TENM4: variants seen among roughly 807,000 people sequenced by gnomAD.
The protein encoded by TENM4 is teneurin-4.
TENM4 carries 82 observed loss-of-function variants against 243.3 expected under a neutral mutation model. The ratio of observed to expected loss-of-function variants is 0.34; its 90% CI spans 0.28 to 0.40. TENM4 has a LOEUF of 0.40. Ranked by LOEUF, TENM4 falls within the 10% of genes least tolerant of loss-of-function variation. The pLI is 1.00. For missense variants in TENM4, 3,138 were observed against 3,673.3 expected, an observed-to-expected ratio of 0.85 and a Z score of 3.77; for synonymous variants, 1,412 against 1,456.3, an observed-to-expected ratio of 0.97 and a Z score of 0.69.
intron 4 of TENM4, among the ~76,000 whole-genome samples, chr11:79,139,065 TTCTATAAATATATATTATATTTCTATAAA>T: frequency 5.6e-5 from 1 of 17,994 alleles, no homozygotes; most frequent in Non-Finnish European, 9.3e-5. Context: ...TATATTATAT[TTCTATAAATATATATTATATTTCTATAAA>T]TATATAAAAT....
rs188404828 is a variant in TENM4, at chr11:79,310,826, G to A, written c.-320-13283C>T. Among the ~76,000 whole-genome samples, 4 of 152,340 alleles carry A rather than the reference G, an allele frequency of 2.6e-5. No individual in the cohort carries two copies. The East Asian group carries it at 7.7e-4, about 29-fold the overall frequency. ...GGGATGATTATGGGGGATGGCTGAT[G>A]CTTTCTAGGAAAAGAAATAAAATGC... On this transcript the variant is annotated intron_variant, in intron 1 of 33. Coordinates refer to ENST00000278550, the MANE Select transcript of TENM4 (RefSeq NM_001098816.3).
intron 18 of TENM4, among the ~76,000 whole-genome samples, chr11:78,765,884 T>C (rs1856530472): frequency 6.6e-6 from 1 of 152,182 alleles, no homozygotes; most frequent in Non-Finnish European, 1.5e-5. Flanking sequence ...AAAGAGCGTG[T>C]AACAGTTTGG....
At chr11:78,745,638 A>G (rs1856033445) in intron 19 of TENM4, among the ~76,000 whole-genome samples, 1 of 152,230 alleles carries the variant, frequency 6.6e-6, no homozygotes, top group South Asian at 2.1e-4. Context: ...AATCGGTGAG[A>G]ATCCAACATT....
At chr11:79,327,377 G>C (rs902821600) in intron 1 of TENM4, among the ~76,000 whole-genome samples, 6 of 152,170 alleles carry the variant, frequency 3.9e-5, no homozygotes, top group Non-Finnish European at 7.3e-5. Flanking sequence ...TGAAGGTTTA[G>C]GGCCAATAGC....
rs1857895051 is a variant in TENM4, at chr11:78,656,406, G to A, written c.*1652C>T. 1 of 152,238 alleles carries A rather than the reference G, an allele frequency of 6.6e-6. No homozygotes were observed. Among genetic ancestry groups the A allele is most frequent in the African/African-American group, 2.4e-5 (1 of 41,458 alleles). The allele number at this position is 152,238 out of a possible 1,614,324, so 9.4% of individuals were successfully genotyped here. A position where few individuals can be genotyped will look rare whatever the true frequency, so the allele number is the denominator to read the frequency against. On this transcript the variant is annotated 3_prime_UTR_variant, in exon 34 of 34. Transcript: ENST00000278550. ...TCCCATCTCCCAGAGCCTCCTGTGAGTGGTAATGACAATGGTAATTAGGCG... is the reference window on the plus strand; with the variant it reads ...TCCCATCTCCCAGAGCCTCCTGTGAATGGTAATGACAATGGTAATTAGGCG...
intron 6 of TENM4, among the ~76,000 whole-genome samples, chr11:78,982,442 T>C (rs1366611370): frequency 3.3e-5 from 5 of 152,074 alleles, no homozygotes; most frequent in Non-Finnish European, 4.4e-5. Context: ...CTGTTTCCTG[T>C]CTGCTTAAGT....
intron 32 of TENM4, among the ~76,000 whole-genome samples, chr11:78,662,194 CTTTT>C (rs758052978): frequency 7.1e-6 from 1 of 140,848 alleles, no homozygotes; most frequent in Non-Finnish European, 1.6e-5. Context: ...CATTTTCTTT[CTTTT>C]TTTTTTTTTT....
chr11:79,301,481 G>A (rs1334289602), intron 1 of TENM4, among the ~76,000 whole-genome samples: 1 of 152,140 alleles, frequency 6.6e-6, no homozygotes, highest in Admixed American at 6.5e-5. Flanking sequence ...CCTCTGAGAA[G>A]CCCTGAACCC....
intron 3 of TENM4, among the ~76,000 whole-genome samples, chr11:79,196,671 CA>C (rs1012404746): frequency 9.2e-5 from 14 of 152,104 alleles, no homozygotes; most frequent in African/African-American, 3.4e-4. Context: ...AGGACATTTC[CA>C]GGGGGTGCAT....
chr11:79,018,125 A>T (rs147159310), intron 6 of TENM4, among the ~76,000 whole-genome samples: 1 of 152,120 alleles, frequency 6.6e-6, no homozygotes, highest in African/African-American at 2.4e-5. Flanking sequence ...TTGTTGCCCA[A>T]CTGAATGCAA....
chr11:79,143,943 A>G (rs76534433), intron 4 of TENM4, among the ~76,000 whole-genome samples: 7,654 of 151,964 alleles, frequency 0.05, 649 homozygotes, highest in African/African-American at 0.18. Context: ...AAAAATAGAT[A>G]AATTGGATCA....
intron 19 of TENM4, among the ~76,000 whole-genome samples, chr11:78,745,081 G>A (rs1362009419): frequency 6.6e-6 from 1 of 152,042 alleles, no homozygotes; most frequent in Non-Finnish European, 1.5e-5. Context: ...TTATGAGTAA[G>A]TTTGGTTAAC....
intron 4 of TENM4, among the ~76,000 whole-genome samples, chr11:79,073,529 A>C (rs575211572): frequency 1.3e-5 from 2 of 152,216 alleles, no homozygotes; most frequent in South Asian, 4.1e-4. Context: ...TTAAGCCTCA[A>C]TAACATAAAA....
chr11:79,247,355 T>G lies in TENM4; in HGVS notation c.-264-31446A>C, dbSNP rs1438622275. 3.4e-5 allele frequency among the ~76,000 whole-genome samples: 5 copies of G among 145,920 alleles called. No homozygotes were observed. In the Admixed American group the frequency reaches 3.5e-4, roughly 10 times the overall value. ...TCGCTTGAATCTGGGAGGCGGAAGT[T>G]GCAGTGAGCTGAGATCACGCCACTG... On this transcript the variant is annotated intron_variant, in intron 2 of 33. Coordinates refer to ENST00000278550, the MANE Select transcript of TENM4 (RefSeq NM_001098816.3).
intron 1 of TENM4, among the ~76,000 whole-genome samples, chr11:79,411,321 C>T (rs988495920): frequency 6.6e-6 from 1 of 152,294 alleles, no homozygotes; most frequent in African/African-American, 2.4e-5. Flanking sequence ...TGGCTCTCCC[C>T]TTGCTTTTGT....
chr11:78,708,984 T>TTTTTTTTA (rs59432159), intron 26 of TENM4, among the ~76,000 whole-genome samples: 2 of 145,312 alleles, frequency 1.4e-5, no homozygotes, highest in African/African-American at 5.4e-5. Context: ...TTTTTTTTTT[T>TTTTTTTTA]AAAAAAAGAG....
intron 1 of TENM4, among the ~76,000 whole-genome samples, chr11:79,363,952 G>T (rs577609442): frequency 1.2e-3 from 177 of 152,276 alleles, no homozygotes; most frequent in African/African-American, 3.2e-3. Flanking sequence ...TAAGCTGAAA[G>T]AATTTTTTCT....
At chr11:78,703,468 G>A (rs1859156799) in intron 27 of TENM4, among the ~76,000 whole-genome samples, 1 of 152,286 alleles carries the variant, frequency 6.6e-6, no homozygotes. Context: ...CAGAAGTGCT[G>A]GGCCCCATGT....
intron 29 of TENM4, among the ~76,000 whole-genome samples, chr11:78,685,634 A>T (rs1241472506): frequency 6.6e-6 from 1 of 152,228 alleles, no homozygotes; most frequent in Non-Finnish European, 1.5e-5. Flanking sequence ...AATTTTAAAA[A>T]GTTGCCCAAA....
Sources: allele counts gnomAD v4.1 joint callset (sites outside exome capture counted in the v4.1 genomes callset), GRCh38; gene constraint gnomAD v4.1.1; transcripts MANE v1.5; gene names NCBI Gene and HGNC (gene_info 2026-07-23, HGNC 2026-07-21).